The following BMPR1B variants were observed in gnomAD, a reference collection of about 807,000 sequenced individuals.
BMPR1B encodes bone morphogenetic protein receptor type-1B.
BMPR1B carries 12 observed loss-of-function variants against 59.1 expected under a neutral mutation model. That is an observed-to-expected ratio of 0.20 (90% CI 0.13 to 0.33). The LOEUF (loss-of-function observed/expected upper bound fraction) is 0.33. Ranked by LOEUF, BMPR1B falls within the 10% of genes least tolerant of loss-of-function variation. The pLI, the probability that BMPR1B is intolerant of heterozygous loss-of-function variation, is 1.00. For missense variants in BMPR1B, 550 were observed against 610.9 expected (o/e 0.90, Z 1.05); for synonymous variants, 237 against 207.3 (o/e 1.14, Z -1.23).
At chr4:94,993,175 T>G (rs1402203952) in intron 2 of BMPR1B, among the ~76,000 whole-genome samples, 3 of 152,192 alleles carry the variant, frequency 2.0e-5, no homozygotes. Flanking sequence ...ACAGATGATG[T>G]GAGCCACTTG....
chr4:95,083,816 C>T (rs1476662077), intron 3 of BMPR1B, among the ~76,000 whole-genome samples: 1 of 152,064 alleles, frequency 6.6e-6, no homozygotes, highest in Non-Finnish European at 1.5e-5. Flanking sequence ...TCCCATTTTA[C>T]TAAGTAGAAT....
intron 2 of BMPR1B, among the ~76,000 whole-genome samples, chr4:94,902,356 T>G (rs977833348): frequency 1.6e-4 from 24 of 150,066 alleles, no homozygotes; most frequent in African/African-American, 5.9e-4. Flanking sequence ...ATGTAAAAGT[T>G]TGGCCCACAG....
chr4:94,794,528 G>T (rs62316536), intron 1 of BMPR1B, among the ~76,000 whole-genome samples: 7,641 of 96,608 alleles, frequency 0.079, 337 homozygotes, highest in African/African-American at 0.13. Context: ...ATATGAACTT[G>T]AAAGTAGTTT....
intron 1 of BMPR1B, among the ~76,000 whole-genome samples, chr4:94,795,517 T>C (rs996765393): frequency 6.6e-6 from 1 of 152,078 alleles, no homozygotes; most frequent in Non-Finnish European, 1.5e-5. Context: ...CAGGTTGGAG[T>C]GCAGTGGCGT....
intron 2 of BMPR1B, among the ~76,000 whole-genome samples, chr4:94,929,818 GAACTTC>G (rs1246555915): frequency 1.3e-5 from 2 of 151,884 alleles, no homozygotes; most frequent in Admixed American, 6.6e-5. Context: ...TGATAAACAA[GAACTTC>G]AAGCTTGACA....
chr4:94,982,367 G>A (rs979504467), intron 2 of BMPR1B, among the ~76,000 whole-genome samples: 27 of 151,940 alleles, frequency 1.8e-4, no homozygotes, highest in African/African-American at 5.3e-4. Flanking sequence ...GATGCATGAC[G>A]AAAGTTTCAG....
intron 2 of BMPR1B, among the ~76,000 whole-genome samples, chr4:94,981,122 A>G (rs769949347): frequency 8.5e-5 from 13 of 152,218 alleles, no homozygotes; most frequent in Non-Finnish European, 1.5e-4. Flanking sequence ...CCTTAGATAA[A>G]AAATTGGTAG....
At chr4:94,889,407 C>T (rs918854839) in intron 2 of BMPR1B, among the ~76,000 whole-genome samples, 9 of 152,100 alleles carry the variant, frequency 5.9e-5, no homozygotes, top group East Asian at 5.8e-4. Flanking sequence ...GATAAAGAAA[C>T]GGATGCTCTA....
At chr4:95,125,636 A>G (rs1487169588) in intron 8 of BMPR1B, among the ~76,000 whole-genome samples, 1 of 152,180 alleles carries the variant, frequency 6.6e-6, no homozygotes. Context: ...GAAAATCAAT[A>G]GTATTACACT....
chr4:95,087,468 C>T (rs1291248873), intron 3 of BMPR1B, among the ~76,000 whole-genome samples: 1 of 152,096 alleles, frequency 6.6e-6, no homozygotes, highest in Non-Finnish European at 1.5e-5. Context: ...CAGTGGCTCA[C>T]ACCCGTAATC....
intron 11 of BMPR1B, among the ~76,000 whole-genome samples, chr4:95,150,539 G>T (rs188540660): frequency 6.6e-6 from 1 of 151,978 alleles, no homozygotes; most frequent in Non-Finnish European, 1.5e-5. Flanking sequence ...GAAGTTGAAG[G>T]TGTAGAGAAC....
intron 1 of BMPR1B, among the ~76,000 whole-genome samples, chr4:94,814,800 A>G (rs1207224610): frequency 6.6e-6 from 1 of 152,202 alleles, no homozygotes; most frequent in Non-Finnish European, 1.5e-5. Context: ...TGCACAGGAT[A>G]TATTTACCAC....
intron 3 of BMPR1B, among the ~76,000 whole-genome samples, chr4:95,098,715 GTATT>G (rs997570318): frequency 2.0e-5 from 3 of 151,712 alleles, no homozygotes; most frequent in Non-Finnish European, 4.4e-5. Context: ...ACATTATCAA[GTATT>G]TATTTATTTA....
chr4:95,150,597 G>A (rs989712684), intron 11 of BMPR1B, among the ~76,000 whole-genome samples: 3 of 152,118 alleles, frequency 2.0e-5, no homozygotes, highest in Non-Finnish European at 2.9e-5. Context: ...AAACAAACAG[G>A]GCTACAGGAA....
Position 94,909,228 on chromosome 4 carries a change from G to A in BMPR1B, c.-113+33328G>A, listed in dbSNP as rs150571221. ...GAATTAAGTCTGGGAATATAATTAT[G>A]TCTGGGAATATAATAGAGAAGACTC... On this transcript the variant is annotated intron_variant, in intron 2 of 12. Coordinates refer to ENST00000515059, the MANE Select transcript of BMPR1B (RefSeq NM_001203.3). Among the ~76,000 whole-genome samples, 51 of 152,162 alleles carry A rather than the reference G, an allele frequency of 3.4e-4. 1 individual carries two copies. In the East Asian group the frequency reaches 4.7e-3, roughly 14 times the overall value.
At chr4:94,938,831 C>T (rs1444908032) in intron 2 of BMPR1B, among the ~76,000 whole-genome samples, 1 of 152,104 alleles carries the variant, frequency 6.6e-6, no homozygotes, top group Non-Finnish European at 1.5e-5. Flanking sequence ...CACTGCCAGA[C>T]CCTGTGTCTA....
At chr4:95,127,995 C>A (rs757852323) in intron 8 of BMPR1B, among the ~76,000 whole-genome samples, 25 of 151,894 alleles carry the variant, frequency 1.6e-4, no homozygotes, top group Non-Finnish European at 3.1e-4. Context: ...AGCGATCCTC[C>A]CACCTCAGCC....
chr4:94,886,860 A>G (rs536694203), intron 2 of BMPR1B, among the ~76,000 whole-genome samples: 80 of 152,312 alleles, frequency 5.3e-4, no homozygotes, highest in African/African-American at 1.9e-3. Context: ...CTTAAGGAAC[A>G]GTTGGAGAGA....
intron 1 of BMPR1B, among the ~76,000 whole-genome samples, chr4:94,764,486 C>T (rs1721894528): frequency 6.6e-6 from 1 of 152,208 alleles, no homozygotes; most frequent in Non-Finnish European, 1.5e-5. Context: ...TTCTTTTCCA[C>T]TACTGCCCAC....
Sources: allele counts gnomAD v4.1 joint callset (sites outside exome capture counted in the v4.1 genomes callset), GRCh38; gene constraint gnomAD v4.1.1; transcripts MANE v1.5; gene names NCBI Gene and HGNC (gene_info 2026-07-23, HGNC 2026-07-21).